The following NEGR1 variants were observed in gnomAD, a reference collection of about 807,000 sequenced individuals.
The protein encoded by NEGR1 is IgLON family member 4.
Under a neutral mutation model 40.9 loss-of-function variants are expected in NEGR1, and 10 were observed. The observed-to-expected ratio is 0.24, with a 90% CI of 0.15 to 0.42. The LOEUF is 0.42. NEGR1 is among the 10% of genes least tolerant of loss of function. The probability of loss-of-function intolerance (pLI) is 1.00; values close to 1 mark genes in which losing one functional copy is unlikely to be tolerated. For missense variants in NEGR1, 352 were observed against 438.9 expected, an observed-to-expected ratio of 0.80 and a Z score of 1.77; for synonymous variants, 185 against 166.8, an observed-to-expected ratio of 1.11 and a Z score of -0.84.
At chr1:71,797,095 G>A (rs1377921070) in intron 2 of NEGR1, among the ~76,000 whole-genome samples, 1 of 152,154 alleles carries the variant, frequency 6.6e-6, no homozygotes, top group Non-Finnish European at 1.5e-5. Flanking sequence ...AGACGGGAAT[G>A]CCAAAGGAGA....
intron 1 of NEGR1, among the ~76,000 whole-genome samples, chr1:71,975,715 A>G (rs1211296157): frequency 6.6e-6 from 1 of 152,228 alleles, no homozygotes; most frequent in Non-Finnish European, 1.5e-5. Context: ...TCCTAGCTGC[A>G]GATGTGCTAG....
intron 1 of NEGR1, among the ~76,000 whole-genome samples, chr1:72,076,161 T>C (rs1201924792): frequency 6.6e-6 from 1 of 152,148 alleles, no homozygotes; most frequent in Non-Finnish European, 1.5e-5. Flanking sequence ...AATATTTGTG[T>C]CCCTCCCAAA....
At chr1:71,963,101 A>T (rs562153785) in intron 1 of NEGR1, among the ~76,000 whole-genome samples, 48 of 150,010 alleles carry the variant, frequency 3.2e-4, no homozygotes, top group African/African-American at 6.6e-4. Flanking sequence ...ATTTTTTTTT[A>T]AAAGTTGTTA....
intron 6 of NEGR1, among the ~76,000 whole-genome samples, chr1:71,440,081 C>T (rs551127178): frequency 6.6e-6 from 1 of 152,210 alleles, no homozygotes; most frequent in Non-Finnish European, 1.5e-5. Context: ...CACATATGAT[C>T]ATCATTGTTT....
chr1:71,793,951 A>T (rs1228443843), intron 2 of NEGR1, among the ~76,000 whole-genome samples: 2 of 152,170 alleles, frequency 1.3e-5, no homozygotes, highest in African/African-American at 2.4e-5. Context: ...TGTAATTGTG[A>T]AATGTGAGGC....
chr1:71,554,389 T>A (rs549927305), intron 6 of NEGR1, among the ~76,000 whole-genome samples: 1 of 151,640 alleles, frequency 6.6e-6, no homozygotes, highest in Admixed American at 6.6e-5. Context: ...GGTGTTATTC[T>A]CTTACACTTT....
At chr1:71,431,945 T>C (rs1646472043) in intron 6 of NEGR1, among the ~76,000 whole-genome samples, 1 of 152,180 alleles carries the variant, frequency 6.6e-6, no homozygotes, top group South Asian at 2.1e-4. Flanking sequence ...ACCTGGTTAG[T>C]GCTAAGGCCC....
chr1:71,577,780 A>G (rs1649010897), intron 6 of NEGR1, among the ~76,000 whole-genome samples: 1 of 152,136 alleles, frequency 6.6e-6, no homozygotes. Flanking sequence ...ATATTTTCCA[A>G]AACTGTTAAA....
intron 1 of NEGR1, among the ~76,000 whole-genome samples, chr1:72,129,650 T>C (rs1650168555): frequency 6.6e-6 from 1 of 152,146 alleles, no homozygotes; most frequent in Non-Finnish European, 1.5e-5. Context: ...TAGGGAGATG[T>C]TTAGGGGTCT....
chr1:71,403,780 C>A lies in NEGR1; in HGVS notation c.*3666G>T. 2.7e-6 allele frequency: 1 copy of A among 372,026 alleles called. No individual in the cohort carries two copies. Among genetic ancestry groups the A allele is most frequent in the Non-Finnish European group, 4.8e-6 (1 of 207,100 alleles). The allele number at this position is 372,026 out of a possible 1,614,324, so 23.0% of individuals were successfully genotyped here. On this transcript the variant is annotated 3_prime_UTR_variant, in exon 7 of 7. Coordinates refer to ENST00000357731, the MANE Select transcript of NEGR1 (RefSeq NM_173808.3). Reference sequence around the variant, plus strand: ...TTATATTCACCTATTGGAAACAGTACAACATATTTTACATCAGGTTATGAA... The same window carrying A: ...TTATATTCACCTATTGGAAACAGTAAAACATATTTTACATCAGGTTATGAA...
At chr1:72,140,723 G>T (rs994296413) in intron 1 of NEGR1, among the ~76,000 whole-genome samples, 1 of 151,854 alleles carries the variant, frequency 6.6e-6, no homozygotes, top group Non-Finnish European at 1.5e-5. Context: ...AATATATTTT[G>T]TTAAATGTTA....
chr1:72,098,888 C>A (rs1378388237), intron 1 of NEGR1, among the ~76,000 whole-genome samples: 1 of 151,900 alleles, frequency 6.6e-6, no homozygotes, highest in African/African-American at 2.4e-5. Context: ...GCATTTCCCT[C>A]AAAAACATAC....
At chr1:71,753,591 T>A (rs1225273513) in intron 3 of NEGR1, among the ~76,000 whole-genome samples, 1 of 152,180 alleles carries the variant, frequency 6.6e-6, no homozygotes, top group Non-Finnish European at 1.5e-5. Flanking sequence ...GAATCACTGA[T>A]ACCAAGACTG....
intron 6 of NEGR1, among the ~76,000 whole-genome samples, chr1:71,524,313 G>GTGT (rs1303526662): frequency 1.1e-5 from 1 of 87,064 alleles, no homozygotes; most frequent in Admixed American, 1.4e-4. Flanking sequence ...TTTTTAAATA[G>GTGT]GAGTGTGTGT....
chr1:71,692,755 T>C (rs1653334430), intron 4 of NEGR1, among the ~76,000 whole-genome samples: 1 of 151,836 alleles, frequency 6.6e-6, no homozygotes, highest in Admixed American at 6.6e-5. Flanking sequence ...ACGTGCATAT[T>C]TGCATAAATG....
At chr1:71,591,678 T>C (rs1191079729) in intron 6 of NEGR1, among the ~76,000 whole-genome samples, 4 of 152,120 alleles carry the variant, frequency 2.6e-5, no homozygotes, top group African/African-American at 9.7e-5. Context: ...AACTATTGCA[T>C]GGCAAGCAAT....
chr1:71,684,485 T>C (rs2101614268), intron 4 of NEGR1, among the ~76,000 whole-genome samples: 1 of 152,294 alleles, frequency 6.6e-6, no homozygotes, highest in Non-Finnish European at 1.5e-5. Context: ...TGTATGTATG[T>C]ATCTATTTTT....
At chr1:72,213,917 G>A (rs1653700693) in intron 1 of NEGR1, among the ~76,000 whole-genome samples, 1 of 151,918 alleles carries the variant, frequency 6.6e-6, no homozygotes, top group Non-Finnish European at 1.5e-5. Flanking sequence ...AACAAAAAAA[G>A]AAAATTTCAG....
chr1:72,242,381 A>G (rs1038406016), intron 1 of NEGR1, among the ~76,000 whole-genome samples: 2 of 151,556 alleles, frequency 1.3e-5, no homozygotes, highest in Non-Finnish European at 3.0e-5. Flanking sequence ...TTTTATTTTC[A>G]TTAATAGAAT....
Sources: allele counts gnomAD v4.1 joint callset (sites outside exome capture counted in the v4.1 genomes callset), GRCh38; gene constraint gnomAD v4.1.1; transcripts MANE v1.5; gene names NCBI Gene and HGNC (gene_info 2026-07-23, HGNC 2026-07-21).